MAP3K1: variants seen among roughly 807,000 people sequenced by gnomAD.
MAP3K1 encodes MAP/ERK kinase kinase 1.
MAP3K1 carries 36 observed loss-of-function variants against 144.2 expected under a neutral mutation model. The observed-to-expected ratio is 0.25, with a 90% confidence interval of 0.19 to 0.33. The LOEUF (loss-of-function observed/expected upper bound fraction) is 0.33, where lower values mean the gene tolerates loss of function less well. Among genes scored for constraint, MAP3K1 ranks in the 10% least tolerant of loss-of-function variants. The pLI, the probability that MAP3K1 is intolerant of heterozygous loss-of-function variation, is 1.00. For synonymous variants in MAP3K1, 718 were observed against 688.7 expected (o/e 1.04, Z -0.67); for missense variants, 1,650 against 1,881.9 (o/e 0.88, Z 2.28).
intron 1 of MAP3K1, among the ~76,000 whole-genome samples, chr5:56,829,520 C>A (rs1746425520): frequency 6.6e-6 from 1 of 152,070 alleles, no homozygotes; most frequent in Admixed American, 6.6e-5. Context: ...TGAACTGAAA[C>A]TGTTCATAAT....
chr5:56,855,848 A>G lies in MAP3K1; in HGVS notation c.483-752A>G, dbSNP rs576230154. On this transcript the variant is annotated intron_variant, in intron 1 of 19. Transcript: ENST00000399503. Reference sequence around the variant, plus strand: ...TGCATCCTTATAAATCAGGTTTTCAAATCTATGCATATCGTGTATGCATGT... The same window carrying G: ...TGCATCCTTATAAATCAGGTTTTCAGATCTATGCATATCGTGTATGCATGT... Among the ~76,000 whole-genome samples, 3 of 152,322 alleles carry G rather than the reference A, an allele frequency of 2.0e-5. No individual in the cohort carries two copies. The South Asian group carries it at 6.2e-4, about 32-fold the overall frequency.
intron 1 of MAP3K1, among the ~76,000 whole-genome samples, chr5:56,826,397 CAG>C (rs1746316226): frequency 6.6e-6 from 1 of 152,020 alleles, no homozygotes; most frequent in Non-Finnish European, 1.5e-5. Context: ...TTCTGAACGA[CAG>C]TGTTCACAAA....
intron 19 of MAP3K1, among the ~76,000 whole-genome samples, chr5:56,889,479 T>C (rs1748482191): frequency 6.6e-6 from 1 of 152,220 alleles, no homozygotes; most frequent in African/African-American, 2.4e-5. Flanking sequence ...CTATTTTGTA[T>C]ATTTTAAAAA....
rs1748230018 is a variant in MAP3K1, at chr5:56,882,043, CAA to C, written c.2844_2845del (p.Thr949ArgfsTer54). 6.2e-7 allele frequency: 1 copy of C among 1,613,864 alleles called. No individual in the cohort carries two copies. Among genetic ancestry groups the C allele is most frequent in the Non-Finnish European group, 8.5e-7 (1 of 1,179,950 alleles). Reference sequence around the variant, plus strand: ...AGTTCAACAACAACAACAACAACAACAACAGAGCAACCAAAGCCAATGGTTCA... The same window carrying C: ...AGTTCAACAACAACAACAACAACAACCAGAGCAACCAAAGCCAATGGTTCA... On this transcript the variant is annotated frameshift_variant, in exon 14 of 20. Coordinates refer to ENST00000399503, the MANE Select transcript of MAP3K1 (RefSeq NM_005921.2). LOFTEE classifies it high-confidence loss of function.
At chr5:56,865,590 A>C in intron 5 of MAP3K1, 134 bp downstream of exon 5, 1 of 711,820 alleles carries the variant, frequency 1.4e-6, no homozygotes, top group South Asian at 1.7e-5. Flanking sequence ...GTTGATGCTT[A>C]TAAATAGTTC....
chr5:56,854,616 A>T (rs1747281212), intron 1 of MAP3K1, among the ~76,000 whole-genome samples: 1 of 152,204 alleles, frequency 6.6e-6, no homozygotes, highest in Non-Finnish European at 1.5e-5. Flanking sequence ...ATTTTCAAAC[A>T]AGTGGAAAGG....
At chr5:56,872,112 G>C in intron 7 of MAP3K1, 81 bp downstream of exon 7, 7 of 1,567,946 alleles carry the variant, frequency 4.5e-6, no homozygotes, top group Non-Finnish European at 6.1e-6. Context: ...GTGTAACATG[G>C]CTTGAGGGGA....
intron 1 of MAP3K1, among the ~76,000 whole-genome samples, chr5:56,836,481 A>G (rs1031967877): frequency 3.3e-5 from 5 of 152,138 alleles, no homozygotes; most frequent in African/African-American, 1.2e-4. Flanking sequence ...ATACCCATAT[A>G]GATATTACTT....
chr5:56,835,472 A>G (rs544904616), intron 1 of MAP3K1, among the ~76,000 whole-genome samples: 1 of 151,892 alleles, frequency 6.6e-6, no homozygotes, highest in South Asian at 2.1e-4. Flanking sequence ...ACAGGAAGGT[A>G]GGAAGAGGAC....
chr5:56,869,390 T>C (rs938352084), intron 6 of MAP3K1, among the ~76,000 whole-genome samples: 3 of 152,152 alleles, frequency 2.0e-5, no homozygotes, highest in African/African-American at 7.2e-5. Context: ...CACATAGTGG[T>C]GATGGTTGCA....
At chr5:56,856,781 A>C in intron 2 of MAP3K1, 31 bp downstream of exon 2, 2 of 1,611,958 alleles carry the variant, frequency 1.2e-6, no homozygotes, top group Non-Finnish European at 1.7e-6. Context: ...AGTTATAAGG[A>C]AGAAAGCATA....
intron 1 of MAP3K1, among the ~76,000 whole-genome samples, chr5:56,854,447 A>G (rs549020681): frequency 4.0e-5 from 6 of 151,154 alleles, no homozygotes; most frequent in Admixed American, 2.0e-4. Flanking sequence ...AAAAAAAAAA[A>G]AAAGAAAGAA....
At chr5:56,890,817 C>T (rs565033549) in intron 19 of MAP3K1, among the ~76,000 whole-genome samples, 2 of 150,678 alleles carry the variant, frequency 1.3e-5, no homozygotes, top group Non-Finnish European at 2.9e-5. Context: ...GAGGCTGAGG[C>T]AAGAACAAAA....
intron 1 of MAP3K1, among the ~76,000 whole-genome samples, chr5:56,855,824 G>A (rs924158802): frequency 6.6e-6 from 1 of 152,236 alleles, no homozygotes; most frequent in Non-Finnish European, 1.5e-5. Context: ...TGCTTTAACT[G>A]CATCCTTATA....
chr5:56,850,615 T>C (rs765475590), intron 1 of MAP3K1, among the ~76,000 whole-genome samples: 3 of 152,162 alleles, frequency 2.0e-5, no homozygotes, highest in Admixed American at 6.5e-5. Flanking sequence ...TGAACACTCA[T>C]AGCAGCAGAG....
rs746986986 is a variant in MAP3K1, at chr5:56,829,739, C to T, written c.482+13684C>T. 1.4e-4 allele frequency among the ~76,000 whole-genome samples: 21 copies of T among 152,268 alleles called. 1 individual carries two copies. Among genetic ancestry groups the T allele is most frequent in the Middle Eastern group, 6.8e-3 (2 of 294 alleles). ...GCTGTGATCAGGAATAGAGCAAAGTCTTGAATCTTGGTCACCTCAGCACCA... is the reference window on the plus strand; with the variant it reads ...GCTGTGATCAGGAATAGAGCAAAGTTTTGAATCTTGGTCACCTCAGCACCA... On this transcript the variant is annotated intron_variant, in intron 1 of 19. Transcript: ENST00000399503.
intron 1 of MAP3K1, among the ~76,000 whole-genome samples, chr5:56,816,671 G>A (rs977461240): frequency 1.3e-5 from 2 of 152,080 alleles, no homozygotes; most frequent in Admixed American, 6.5e-5. Context: ...CCCCAGCGCC[G>A]GCCGCAGGGC....
chr5:56,892,967 CTTTTTT>C, intron 19 of MAP3K1, among the ~76,000 whole-genome samples: 1 of 150,260 alleles, frequency 6.7e-6, no homozygotes, highest in Non-Finnish European at 1.5e-5. Context: ...AATAAAATTT[CTTTTTT>C]TTTAAAAAAA....
At chr5:56,819,011 A>G (rs980813020) in intron 1 of MAP3K1, among the ~76,000 whole-genome samples, 8 of 151,928 alleles carry the variant, frequency 5.3e-5, no homozygotes, top group Non-Finnish European at 2.9e-5. Flanking sequence ...GTGACTTTAT[A>G]AAAATAAAGG....
Sources: allele counts gnomAD v4.1 joint callset (sites outside exome capture counted in the v4.1 genomes callset), GRCh38; gene constraint gnomAD v4.1.1; transcripts MANE v1.5; gene names NCBI Gene and HGNC (gene_info 2026-07-23, HGNC 2026-07-21).